Variants in ZBTB20 observed in about 807,000 individuals in gnomAD.
ZBTB20 encodes the protein zinc finger and BTB domain containing 20.
In ZBTB20, 9 loss-of-function variants were observed where a neutral mutation model predicts 56.9. That is an observed-to-expected ratio of 0.16 (90% CI 0.10 to 0.28). The LOEUF (loss-of-function observed/expected upper bound fraction) is 0.28. ZBTB20 is among the 10% of genes least tolerant of loss of function. The pLI, the probability that ZBTB20 is intolerant of heterozygous loss-of-function variation, is 1.00. For synonymous variants in ZBTB20, 417 were observed against 420.7 expected (o/e 0.99, Z 0.11); for missense variants, 655 against 1,003.0 (o/e 0.65, Z 4.69).
chr3:115,075,481 A>T (rs1482431672), intron 1 of ZBTB20, among the ~76,000 whole-genome samples: 2 of 152,172 alleles, frequency 1.3e-5, no homozygotes, highest in East Asian at 3.8e-4. Context: ...AGACTGAATA[A>T]TATTCCACTG....
chr3:114,820,827 T>C (rs540958664), intron 4 of ZBTB20, among the ~76,000 whole-genome samples: 40 of 152,196 alleles, frequency 2.6e-4, no homozygotes, highest in Non-Finnish European at 5.0e-4. Context: ...ATAAATACCA[T>C]ATTTGACTAC....
intron 4 of ZBTB20, chr3:114,876,388 T>G (rs1245762665): frequency 3.3e-5 from 5 of 152,136 alleles, no homozygotes; most frequent in African/African-American, 1.2e-4. Flanking sequence ...AGTTCAAGGC[T>G]GCAGTAAGCT....
chr3:114,464,298 T>G (rs2092451637), intron 7 of ZBTB20, among the ~76,000 whole-genome samples: 1 of 152,188 alleles, frequency 6.6e-6, no homozygotes, highest in Non-Finnish European at 1.5e-5. Context: ...GGCCACTTAT[T>G]TTTCCTGTGT....
At chr3:114,641,885 CA>C (rs1198005915) in intron 6 of ZBTB20, among the ~76,000 whole-genome samples, 1 of 151,890 alleles carries the variant, frequency 6.6e-6, no homozygotes, top group Non-Finnish European at 1.5e-5. Flanking sequence ...CATTGTTTAA[CA>C]GACATTTCTT....
chr3:114,981,038 G>A (rs2078304834), intron 2 of ZBTB20, among the ~76,000 whole-genome samples: 1 of 151,690 alleles, frequency 6.6e-6, no homozygotes. Flanking sequence ...TTAGAGGATG[G>A]CTCTTGAACT....
At chr3:115,017,960 A>G (rs993948846) in intron 2 of ZBTB20, among the ~76,000 whole-genome samples, 1 of 151,610 alleles carries the variant, frequency 6.6e-6, no homozygotes, top group African/African-American at 2.4e-5. Flanking sequence ...GGCAAGAAAC[A>G]CCCAGTTTCT....
At chr3:114,875,248 T>G (rs891468871) in intron 4 of ZBTB20, among the ~76,000 whole-genome samples, 4 of 152,076 alleles carry the variant, frequency 2.6e-5, no homozygotes, top group African/African-American at 9.7e-5. Flanking sequence ...GAAATAATAA[T>G]AATAACAATA....
chr3:115,029,214 CTAAG>C (rs2080561253), intron 2 of ZBTB20, among the ~76,000 whole-genome samples: 1 of 150,698 alleles, frequency 6.6e-6, no homozygotes, highest in South Asian at 2.1e-4. Context: ...AAATGTTTTT[CTAAG>C]TAATGTTAAA....
intron 2 of ZBTB20, among the ~76,000 whole-genome samples, chr3:115,065,677 A>T (rs1448158871): frequency 6.6e-6 from 1 of 152,210 alleles, no homozygotes; most frequent in Non-Finnish European, 1.5e-5. Context: ...TCATAAAATC[A>T]TAGGGCTCTT....
intron 1 of ZBTB20, among the ~76,000 whole-genome samples, chr3:115,106,805 C>T (rs1479122226): frequency 1.3e-5 from 2 of 152,152 alleles, no homozygotes. Context: ...CCACCTTCTT[C>T]CCCTCTGCCC....
chr3:114,661,511 A>C (rs1217212113), intron 6 of ZBTB20, among the ~76,000 whole-genome samples: 2 of 152,052 alleles, frequency 1.3e-5, no homozygotes, highest in Admixed American at 6.6e-5. Flanking sequence ...TCTTCCTTCA[A>C]ATGAAGAAGT....
intron 10 of ZBTB20, chr3:114,357,137 C>G (rs1387012089): frequency 6.6e-6 from 1 of 152,188 alleles, no homozygotes; most frequent in Non-Finnish European, 1.5e-5. Context: ...TTTGGGCCAT[C>G]TCCCAATAAA....
At position 114,325,623 on chromosome 3, in the gene ZBTB20, T is replaced by C. The variant is rs542916158; in HGVS notation, c.*13382A>G. The C allele has an allele frequency of 1.3e-5, 2 of 152,320 alleles. No homozygotes were observed. The highest frequency in any genetic ancestry group is 3.9e-4 in the East Asian group (2 of 5,184). 9.4% of individuals were successfully genotyped at this position (152,320 alleles called of 1,614,324 possible). A position where few individuals can be genotyped will look rare whatever the true frequency, so the allele number is the denominator to read the frequency against. ...ACAACAAGGGGTGAGTAGTGCTAAC[T>C]TTCTCCGGTAACCTTGACAACTGGC... On this transcript the variant is annotated 3_prime_UTR_variant, in exon 12 of 12. Coordinates refer to ENST00000675478, the MANE Select transcript of ZBTB20 (RefSeq NM_001348800.3).
chr3:115,080,108 G>C (rs2082743614), intron 1 of ZBTB20, among the ~76,000 whole-genome samples: 1 of 152,154 alleles, frequency 6.6e-6, no homozygotes, highest in Admixed American at 6.6e-5. Flanking sequence ...ACTGGGATTA[G>C]ATAAAGTCAT....
intron 4 of ZBTB20, among the ~76,000 whole-genome samples, chr3:114,886,335 C>T (rs773474714): frequency 9.2e-5 from 14 of 152,120 alleles, no homozygotes; most frequent in Non-Finnish European, 1.6e-4. Context: ...TGTATTTGTA[C>T]GTATGGCCAT....
At chr3:114,604,948 A>G (rs1407410902) in intron 6 of ZBTB20, among the ~76,000 whole-genome samples, 1 of 152,126 alleles carries the variant, frequency 6.6e-6, no homozygotes, top group Non-Finnish European at 1.5e-5. Context: ...AACAAAACAC[A>G]TTTCTTGAGG....
At chr3:114,769,722 C>A (rs995780409) in intron 5 of ZBTB20, among the ~76,000 whole-genome samples, 1 of 151,626 alleles carries the variant, frequency 6.6e-6, no homozygotes, top group Non-Finnish European at 1.5e-5. Context: ...TGTATGTTCT[C>A]CTGATATGTG....
chr3:114,466,359 A>C (rs1362749348), intron 7 of ZBTB20, among the ~76,000 whole-genome samples: 3 of 152,220 alleles, frequency 2.0e-5, no homozygotes, highest in African/African-American at 7.2e-5. Context: ...AGCAAGGCAC[A>C]CAACTAATAA....
intron 2 of ZBTB20, among the ~76,000 whole-genome samples, chr3:115,026,169 A>T (rs923631212): frequency 6.0e-5 from 9 of 150,812 alleles, no homozygotes; most frequent in African/African-American, 2.2e-4. Flanking sequence ...TCAAAACAAG[A>T]AATAGAGAAA....
Sources: gnomAD v4.1 joint callset for allele counts (sites outside exome capture counted in the v4.1 genomes callset) on GRCh38, gnomAD v4.1.1 for gene constraint, MANE v1.5 for transcripts, NCBI Gene and HGNC (gene_info 2026-07-23, HGNC 2026-07-21) for gene names.